Variants in PTPRG observed in about 807,000 individuals in gnomAD.
The protein encoded by PTPRG is receptor-type tyrosine-protein phosphatase gamma.
Under a neutral mutation model 165.3 loss-of-function variants are expected in PTPRG, and 102 were observed. The ratio of observed to expected loss-of-function variants is 0.62; its 90% CI spans 0.53 to 0.73. The LOEUF (loss-of-function observed/expected upper bound fraction) is 0.73, where lower values mean the gene tolerates loss of function less well. Among genes scored for constraint, PTPRG ranks in the 30% least tolerant of loss-of-function variants. The pLI is 0.00. For missense variants in PTPRG, 1,866 were observed against 1,861.4 expected (o/e 1.00, Z -0.05); for synonymous variants, 675 against 669.5 (o/e 1.01, Z -0.13).
intron 1 of PTPRG, among the ~76,000 whole-genome samples, chr3:61,626,940 T>G (rs1170564179): frequency 6.6e-6 from 1 of 152,094 alleles, no homozygotes; most frequent in Admixed American, 6.5e-5. Flanking sequence ...AAACCCACAA[T>G]GAGGGGAATT....
intron 2 of PTPRG, among the ~76,000 whole-genome samples, chr3:61,797,944 A>G (rs532738623): frequency 9.9e-5 from 15 of 152,154 alleles, no homozygotes; most frequent in Non-Finnish European, 1.9e-4. Context: ...TGAAATTTTT[A>G]AAAAACCAGG....
chr3:62,103,360 A>C (rs1251601268), intron 5 of PTPRG, among the ~76,000 whole-genome samples: 2 of 151,570 alleles, frequency 1.3e-5, no homozygotes, highest in East Asian at 3.9e-4. Flanking sequence ...AGTGCTAAGC[A>C]GGGTTTTGCC....
intron 2 of PTPRG, among the ~76,000 whole-genome samples, chr3:61,959,491 A>G (rs1344857359): frequency 6.6e-6 from 1 of 152,146 alleles, no homozygotes; most frequent in Non-Finnish European, 1.5e-5. Flanking sequence ...TCGCTCTCCT[A>G]TGAGAATGTA....
At chr3:62,091,007 T>C (rs1384904350) in intron 5 of PTPRG, among the ~76,000 whole-genome samples, 5 of 152,192 alleles carry the variant, frequency 3.3e-5, no homozygotes, top group African/African-American at 1.2e-4. Context: ...GAAAGTACTG[T>C]GGAGAGGTCT....
chr3:61,869,950 G>C (rs647614), intron 2 of PTPRG, among the ~76,000 whole-genome samples: 2 of 151,416 alleles, frequency 1.3e-5, no homozygotes, highest in African/African-American at 4.9e-5. Context: ...CTTGTGATTC[G>C]ACTCTCATCC....
chr3:62,262,954 A>T, intron 17 of PTPRG, 60 bp downstream of exon 17: 1 of 1,306,364 alleles, frequency 7.7e-7, no homozygotes, highest in Middle Eastern at 1.9e-4. Flanking sequence ...CATGCTGGGT[A>T]TAAGCTGAAA....
chr3:61,637,670 G>A (rs956000455), intron 1 of PTPRG, among the ~76,000 whole-genome samples: 4 of 152,166 alleles, frequency 2.6e-5, no homozygotes, highest in Admixed American at 6.5e-5. Flanking sequence ...GGAGTCCACC[G>A]GGGTTGCGTC....
At chr3:61,762,674 C>T (rs1630197) in intron 2 of PTPRG, among the ~76,000 whole-genome samples, 105,593 of 151,956 alleles carry the variant, frequency 0.69, 37,515 homozygotes, top group Non-Finnish European at 0.78. Flanking sequence ...TAAATTCCCA[C>T]GGAAGTCATT....
chr3:62,161,853 A>G (rs568882324), intron 7 of PTPRG, among the ~76,000 whole-genome samples: 24 of 152,336 alleles, frequency 1.6e-4, no homozygotes, highest in Admixed American at 1.2e-3. Context: ...TAAGGAGGCA[A>G]CAAACACGAC....
At chr3:61,782,553 A>T (rs979807773) in intron 2 of PTPRG, among the ~76,000 whole-genome samples, 1 of 152,234 alleles carries the variant, frequency 6.6e-6, no homozygotes, top group Non-Finnish European at 1.5e-5. Context: ...CGTCTGGTGT[A>T]CAGCTAAACA....
chr3:61,927,183 T>A (rs893352068), intron 2 of PTPRG, among the ~76,000 whole-genome samples: 1 of 152,192 alleles, frequency 6.6e-6, no homozygotes, highest in Non-Finnish European at 1.5e-5. Flanking sequence ...CACATTAGCT[T>A]ACTAAGCATA....
At chr3:61,938,710 G>T (rs969097987) in intron 2 of PTPRG, among the ~76,000 whole-genome samples, 1 of 152,138 alleles carries the variant, frequency 6.6e-6, no homozygotes, top group African/African-American at 2.4e-5. Flanking sequence ...AGAGTCTAAT[G>T]CTTACGCTAC....
intron 6 of PTPRG, among the ~76,000 whole-genome samples, chr3:62,134,798 T>A (rs961359128): frequency 3.3e-5 from 5 of 152,182 alleles, no homozygotes; most frequent in African/African-American, 1.2e-4. Flanking sequence ...GTTAGTCAAA[T>A]GACTGAATCA....
chr3:62,267,523 T>C (rs1050382538), intron 18 of PTPRG, 31 bp downstream of exon 18: 1 of 1,574,986 alleles, frequency 6.3e-7, no homozygotes, highest in African/African-American at 1.4e-5. Flanking sequence ...TAAACCTGTT[T>C]CTAGAAATTG....
chr3:61,827,069 G>A (rs777781058), intron 2 of PTPRG, among the ~76,000 whole-genome samples: 1 of 152,120 alleles, frequency 6.6e-6, no homozygotes, highest in Non-Finnish European at 1.5e-5. Flanking sequence ...GTTGCCTTTA[G>A]TTGGAATCTT....
At chr3:61,731,374 G>T (rs1015856791) in intron 1 of PTPRG, among the ~76,000 whole-genome samples, 4 of 148,656 alleles carry the variant, frequency 2.7e-5, no homozygotes, top group Non-Finnish European at 5.9e-5. Context: ...TTTTGAGACG[G>T]AGTCTTGCTG....
chr3:61,706,247 C>A (rs1388070579), intron 1 of PTPRG, among the ~76,000 whole-genome samples: 1 of 152,062 alleles, frequency 6.6e-6, no homozygotes, highest in Admixed American at 6.6e-5. Context: ...CAGAATACAA[C>A]TGGGAGCCGT....
At chr3:61,699,957 A>C (rs2030862382) in intron 1 of PTPRG, among the ~76,000 whole-genome samples, 1 of 152,208 alleles carries the variant, frequency 6.6e-6, no homozygotes, top group Non-Finnish European at 1.5e-5. Flanking sequence ...GAGGGTTTTC[A>C]AGAACAAATA....
At chr3:61,842,416 A>T (rs1291658458) in intron 2 of PTPRG, among the ~76,000 whole-genome samples, 1 of 152,180 alleles carries the variant, frequency 6.6e-6, no homozygotes, top group Non-Finnish European at 1.5e-5. Context: ...CTTCGAAAGT[A>T]CCAGAAATGT....
Sources: allele counts gnomAD v4.1 joint callset (sites outside exome capture counted in the v4.1 genomes callset), GRCh38; gene constraint gnomAD v4.1.1; transcripts MANE v1.5; gene names NCBI Gene and HGNC (gene_info 2026-07-23, HGNC 2026-07-21).